PSD3: variants seen among roughly 807,000 people sequenced by gnomAD.
PSD3 encodes PH and SEC7 domain-containing protein 3.
Under a neutral mutation model 105.5 loss-of-function variants are expected in PSD3, and 49 were observed. The ratio of observed to expected loss-of-function variants is 0.46; its 90% CI spans 0.37 to 0.59. The LOEUF is 0.59. PSD3 is among the 20% of genes least tolerant of loss of function. PSD3 has a pLI of 0.00. For synonymous variants in PSD3, 557 were observed against 457.8 expected, an observed-to-expected ratio of 1.22 and a Z score of -2.77; for missense variants, 1,561 against 1,263.8, an observed-to-expected ratio of 1.24 and a Z score of -3.57.
chr8:18,600,353 T>C lies in PSD3; in HGVS notation c.2481+11A>G. The C allele has an allele frequency of 3.1e-6, 5 of 1,606,502 alleles. No individual in the cohort carries two copies. Among genetic ancestry groups the C allele is most frequent in the Non-Finnish European group, 4.3e-6 (5 of 1,174,304 alleles). ...CGAGTTTTGTGGATTTTTTATCTGC[T>C]TTACTTTTACCTTTTGCAAGTAAAG... On this transcript the variant is annotated intron_variant, in intron 12 of 15. Transcript: ENST00000327040.
At chr8:18,638,917 A>T (rs578067495) in intron 10 of PSD3, among the ~76,000 whole-genome samples, 1 of 152,328 alleles carries the variant, frequency 6.6e-6, no homozygotes, top group Middle Eastern at 3.4e-3. Context: ...GCTAAGGTCA[A>T]CTGGATTTCT....
At position 18,551,453 on chromosome 8, in the gene PSD3, C is replaced by G. The variant is rs187771745; in HGVS notation, c.2928+4756G>C. On this transcript the variant is annotated intron_variant, in intron 15 of 15. Transcript: ENST00000327040. ...TATATCAATTTTGGAAGGAATCATGCTGTTTTAAATGTCACCAAGAATTAG... is the reference window on the plus strand; with the variant it reads ...TATATCAATTTTGGAAGGAATCATGGTGTTTTAAATGTCACCAAGAATTAG... 9.3e-4 allele frequency among the ~76,000 whole-genome samples: 141 copies of G among 152,234 alleles called. 1 individual carries two copies. The highest frequency in any genetic ancestry group is 3.3e-3 in the African/African-American group (138 of 41,548).
At chr8:18,571,463 A>C (rs935045676) in intron 14 of PSD3, among the ~76,000 whole-genome samples, 54 of 151,952 alleles carry the variant, frequency 3.6e-4, no homozygotes, top group African/African-American at 1.2e-3. Context: ...TTCACCTCCA[A>C]GGCCAGGCTA....
chr8:18,869,476 G>A (rs545410504), intron 3 of PSD3, among the ~76,000 whole-genome samples: 13 of 152,028 alleles, frequency 8.6e-5, no homozygotes, highest in Admixed American at 2.0e-4. Context: ...ACCATGCCAA[G>A]CCTCCCCTGC....
At chr8:18,769,858 C>T (rs1160386973) in intron 8 of PSD3, among the ~76,000 whole-genome samples, 1 of 151,878 alleles carries the variant, frequency 6.6e-6, no homozygotes, top group Non-Finnish European at 1.5e-5. Flanking sequence ...ATGGATATAC[C>T]AATTGTGTTT....
At chr8:18,585,859 G>C (rs17126870) in intron 12 of PSD3, among the ~76,000 whole-genome samples, 3,947 of 152,174 alleles carry the variant, frequency 0.026, 182 homozygotes, top group African/African-American at 0.091. Context: ...CTCCAAATCA[G>C]CAATTAGTTA....
chr8:18,567,656 C>G (rs577719371), intron 14 of PSD3, among the ~76,000 whole-genome samples: 3 of 152,280 alleles, frequency 2.0e-5, no homozygotes, highest in African/African-American at 7.2e-5. Flanking sequence ...ATTCTTCCTT[C>G]TTACTACTAG....
At chr8:18,538,639 G>T (rs1472678892) in intron 15 of PSD3, among the ~76,000 whole-genome samples, 1 of 152,152 alleles carries the variant, frequency 6.6e-6, no homozygotes, top group Admixed American at 6.5e-5. Flanking sequence ...AGAGAATGAA[G>T]AAAAATTGTT....
chr8:18,541,329 T>G (rs1800138608), intron 15 of PSD3, among the ~76,000 whole-genome samples: 1 of 151,970 alleles, frequency 6.6e-6, no homozygotes, highest in South Asian at 2.1e-4. Context: ...AGGAACACAT[T>G]TTTCCATACA....
intron 1 of PSD3, among the ~76,000 whole-genome samples, chr8:19,079,571 A>G (rs1829575293): frequency 6.6e-6 from 1 of 152,212 alleles, no homozygotes; most frequent in South Asian, 2.1e-4. Context: ...CGAAATGTTT[A>G]CCTTTAATGA....
At chr8:18,836,825 A>G (rs1037097680) in intron 4 of PSD3, among the ~76,000 whole-genome samples, 2 of 152,210 alleles carry the variant, frequency 1.3e-5, no homozygotes, top group African/African-American at 4.8e-5. Flanking sequence ...TGTTTAGGAC[A>G]GAGGTAACCA....
intron 1 of PSD3, among the ~76,000 whole-genome samples, chr8:19,025,725 C>T (rs535416403): frequency 3.3e-5 from 5 of 152,296 alleles, no homozygotes; most frequent in Middle Eastern, 3.4e-3. Flanking sequence ...GCGGGTATGA[C>T]GCAAATTCCA....
At chr8:18,995,674 T>A (rs1826038153) in intron 1 of PSD3, among the ~76,000 whole-genome samples, 1 of 152,004 alleles carries the variant, frequency 6.6e-6, no homozygotes, top group African/African-American at 2.4e-5. Context: ...CAGCTCAGCT[T>A]GACTAGGAAG....
chr8:18,701,071 T>A (rs984745894), intron 9 of PSD3, among the ~76,000 whole-genome samples: 1 of 151,758 alleles, frequency 6.6e-6, no homozygotes, highest in Admixed American at 6.6e-5. Context: ...GCTTAAGCAA[T>A]CCTCTCACCC....
intron 9 of PSD3, among the ~76,000 whole-genome samples, chr8:18,746,614 A>C (rs949595107): frequency 6.6e-6 from 1 of 152,222 alleles, no homozygotes; most frequent in African/African-American, 2.4e-5. Flanking sequence ...ACCCCTGTAA[A>C]AGACAAATTT....
chr8:18,760,632 T>C (rs55884038), intron 9 of PSD3, among the ~76,000 whole-genome samples: 28,282 of 152,154 alleles, frequency 0.19, 3,917 homozygotes, highest in African/African-American at 0.38. Flanking sequence ...TATCCATTCG[T>C]CTGCTGATGA....
At chr8:18,659,255 C>T (rs960723607) in intron 9 of PSD3, among the ~76,000 whole-genome samples, 5 of 152,276 alleles carry the variant, frequency 3.3e-5, no homozygotes, top group Middle Eastern at 3.4e-3. Context: ...CAAATTAATG[C>T]CATTGAATAT....
intron 9 of PSD3, among the ~76,000 whole-genome samples, chr8:18,701,835 G>T (rs1372620506): frequency 1.3e-5 from 2 of 152,116 alleles, no homozygotes; most frequent in African/African-American, 2.4e-5. Flanking sequence ...TACGTACAAA[G>T]TAGAGATTTA....
At chr8:18,750,584 G>A (rs1314768802) in intron 9 of PSD3, among the ~76,000 whole-genome samples, 1 of 152,118 alleles carries the variant, frequency 6.6e-6, no homozygotes, top group Non-Finnish European at 1.5e-5. Flanking sequence ...GGGGACCCGA[G>A]TGGGTTGCCA....
Sources: gnomAD v4.1 joint callset for allele counts (sites outside exome capture counted in the v4.1 genomes callset) on GRCh38, gnomAD v4.1.1 for gene constraint, MANE v1.5 for transcripts, NCBI Gene and HGNC (gene_info 2026-07-23, HGNC 2026-07-21) for gene names.